Variants in CPZ observed in about 807,000 individuals in gnomAD.
CPZ encodes the protein VEZT/CPZ fusion.
CPZ carries 103 observed loss-of-function variants against 61.8 expected under a neutral mutation model. The ratio of observed to expected loss-of-function variants is 1.67; its 90% CI spans 1.42 to 1.96. CPZ has a LOEUF of 1.96. CPZ is among the 30% of genes most tolerant of loss of function. The pLI is 0.00. For missense variants in CPZ, 1,461 were observed against 914.9 expected, an observed-to-expected ratio of 1.60 and a Z score of -7.70; for synonymous variants, 551 against 373.7, an observed-to-expected ratio of 1.47 and a Z score of -5.47.
In CPZ at chr4:8,614,490, G is replaced by C. The variant is rs148255974; in HGVS notation, c.1495G>C (p.Val499Leu). 6.9e-5 allele frequency: 111 copies of C among 1,613,368 alleles called. No homozygotes were observed. The African/African-American group carries it at 1.4e-3, about 20-fold the overall frequency. ...QHNKESLLNFVETVHRGIKGV... is the reference protein window; with the variant it reads ...QHNKESLLNFLETVHRGIKGV... ...CAACAAGGAGTCACTCCTGAATTTCGTGGAGACGGTGAGTTCTGACGGTCT... is the reference window on the plus strand; with the variant it reads ...CAACAAGGAGTCACTCCTGAATTTCCTGGAGACGGTGAGTTCTGACGGTCT... The change falls in exon 9 of 11, where the codon GTG (valine) becomes CTG (leucine). Residue 499 changes from valine to leucine, a missense_variant. Physicochemically the swap from Val to Leu is conservative, Grantham distance 32 (BLOSUM62 1). Transcript: ENST00000360986.
rs1715060869 is a variant in CPZ at position 8,606,841 on chromosome 4, G to A, written c.1011G>A (p.Glu337=). 1 of 1,613,536 alleles carries A rather than the reference G, an allele frequency of 6.2e-7. No individual in the cohort carries two copies. Among genetic ancestry groups the A allele is most frequent in the Admixed American group, 1.7e-5 (1 of 60,002 alleles). The change falls in exon 6 of 11, where the codon GAG becomes GAA. Residue 337 remains glutamate (E), a synonymous_variant. Coordinates refer to ENST00000360986, the MANE Select transcript of CPZ (RefSeq NM_001014447.3). ...CGTCCGAGTACTACCGGCTGGCGGAGACCCGCGGCGCACGCAGCGACCACA... is the reference window on the plus strand; with the variant it reads ...CGTCCGAGTACTACCGGCTGGCGGAAACCCGCGGCGCACGCAGCGACCACA... ...DLTSEYYRLA[E]TRGARSDHIP... is the part of the protein sequence containing the mutation.
At chr4:8,613,055 C>T (rs989570584) in intron 8 of CPZ, among the ~76,000 whole-genome samples, 6 of 152,180 alleles carry the variant, frequency 3.9e-5, no homozygotes, top group Middle Eastern at 3.2e-3. Flanking sequence ...AGAGGGCCCT[C>T]AGCCCCCGTC....
chr4:8,617,291 A>T (rs1455551694), intron 9 of CPZ, among the ~76,000 whole-genome samples: 2 of 152,190 alleles, frequency 1.3e-5, no homozygotes, highest in Non-Finnish European at 2.9e-5. Context: ...AGGCACCCAG[A>T]AGCAAAGGTT....
rs758937308 is a variant in CPZ, at chr4:8,606,893, G to T, written c.1063G>T (p.Gly355Cys). 8.1e-6 allele frequency: 13 copies of T among 1,608,570 alleles called. No homozygotes were observed. In the East Asian group the frequency reaches 1.8e-4, roughly 22 times the overall value. The change falls in exon 6 of 11, where the codon GGT becomes TGT. Residue 355 changes from glycine to cysteine, a missense_variant. Coordinates refer to ENST00000360986, the MANE Select transcript of CPZ (RefSeq NM_001014447.3). ...HIPIPQHYWW[G>C]KVAPETKAIM... Reference sequence around the variant, plus strand: ...CCCCATCCCCCAGCACTACTGGTGGGGTAAGGTAGGAGCCGCCGCTGCCCA... The same window carrying T: ...CCCCATCCCCCAGCACTACTGGTGGTGTAAGGTAGGAGCCGCCGCTGCCCA...
Position 8,609,972 on chromosome 4 carries a change from C to A in CPZ, c.1228-2055C>A, listed in dbSNP as rs762819429. Among the ~76,000 whole-genome samples the A allele has an allele frequency of 1.8e-4, 27 of 152,178 alleles. 1 individual carries two copies. Among genetic ancestry groups the A allele is most frequent in the Non-Finnish European group, 1.8e-4 (12 of 68,020 alleles). ...CAGTGCCTGGGGACAGTGTTCAAGG[C>A]CCTGCAGGCTGGCCATGGCTGCCTT... On this transcript the variant is annotated intron_variant, in intron 7 of 10. Coordinates refer to ENST00000360986, the MANE Select transcript of CPZ (RefSeq NM_001014447.3).
At chr4:8,609,759 G>GA (rs370958953) in intron 7 of CPZ, among the ~76,000 whole-genome samples, 4 of 152,252 alleles carry the variant, frequency 2.6e-5, no homozygotes, top group African/African-American at 7.2e-5. Flanking sequence ...CAGAGCCAGA[G>GA]AAAATAACAC....
At chr4:8,609,168 TCACCCA>T (rs1461757420) in intron 7 of CPZ, among the ~76,000 whole-genome samples, 2,549 of 41,862 alleles carry the variant, frequency 0.061, 46 homozygotes, top group Admixed American at 0.095. Flanking sequence ...ACTCATTCAC[TCACCCA>T]TTCACTCAGG....
intron 8 of CPZ, 145 bp from the exon 9 acceptor site, chr4:8,614,214 T>G (rs1715959951): frequency 8.8e-7 from 1 of 1,141,154 alleles, no homozygotes; most frequent in African/African-American, 1.6e-5. Flanking sequence ...TGCTGGGCAC[T>G]TGGCTGACAC....
Position 8,612,180 on chromosome 4 carries a change from CG to C in CPZ, c.1363+21del, listed in dbSNP as rs1560300884. ...CACGGGAGGTGCGGCTTCCGCAGGG[CG>C]GGACTGGGCGGGGGGTGGGGGGTGC... On this transcript the variant is annotated intron_variant, in intron 8 of 10. Coordinates refer to ENST00000360986, the MANE Select transcript of CPZ (RefSeq NM_001014447.3). The C allele has an allele frequency of 3.5e-6, 1 of 283,638 alleles. No individual in the cohort carries two copies. Among genetic ancestry groups the C allele is most frequent in the African/African-American group, 8.4e-5 (1 of 11,890 alleles). The allele number at this position is 283,638 out of a possible 1,614,324, so 17.6% of individuals were successfully genotyped here.
chr4:8,596,411 A>G (rs1319275539), intron 1 of CPZ, among the ~76,000 whole-genome samples: 2 of 151,544 alleles, frequency 1.3e-5, no homozygotes, highest in East Asian at 2.0e-4. Flanking sequence ...AAACAAACCC[A>G]CCCCTCTCTG....
intron 7 of CPZ, among the ~76,000 whole-genome samples, chr4:8,609,105 CCCTTCCT>C (rs1715336809): frequency 1.7e-4 from 1 of 6,018 alleles, no homozygotes; most frequent in Non-Finnish European, 4.6e-4. Context: ...CTCACTCACT[CCCTTCCT>C]CACTCCCTCA....
chr4:8,609,344 TTCTC>T (rs1485869944), intron 7 of CPZ, among the ~76,000 whole-genome samples: 2 of 152,054 alleles, frequency 1.3e-5, no homozygotes, highest in East Asian at 1.9e-4. Flanking sequence ...CACTCACTCA[TTCTC>T]TCATTCATTC....
chr4:8,594,569 G>A (rs1363433616), intron 1 of CPZ, among the ~76,000 whole-genome samples: 1 of 152,200 alleles, frequency 6.6e-6, no homozygotes, highest in Non-Finnish European at 1.5e-5. Context: ...CAGTTGAGGA[G>A]GGGGAGGACT....
chr4:8,607,475 CCCCTTGGAGCTGGTG>C, intron 7 of CPZ, 50 bp downstream of exon 7: 1 of 1,585,698 alleles, frequency 6.3e-7, no homozygotes, highest in Non-Finnish European at 8.6e-7. Flanking sequence ...TGTGCGCGGT[CCCCTTGGAGCTGGTG>C]CCCCTCCAGT....
rs1489124941 is a variant in CPZ at position 8,607,262 on chromosome 4, G to A, written c.1069-5G>A. ...CCTGAGGGCGGCCTCGTCTGTCCTG[G>A]GCAGGTGGCCCCGGAGACAAAGGCA... On this transcript the variant is annotated splice_polypyrimidine_tract_variant and splice_region_variant and intron_variant, in intron 6 of 10. Transcript: ENST00000360986. 1 of 1,613,926 alleles carries A rather than the reference G, an allele frequency of 6.2e-7. No individual in the cohort carries two copies.
rs1348156146 is a variant in CPZ, at chr4:8,601,405, C to T, written c.404C>T (p.Ala135Val). The change falls in exon 3 of 11, where the codon GCC becomes GTC. Residue 135 changes from alanine to valine, a missense_variant. Transcript: ENST00000360986. ...LREVCQPAFD[A>V]IDMAWPYFLD... ...GAGGTCTGCCAGCCCGCCTTCGACGCCATTGACATGGCCTGGCCCTACTTC... is the reference window on the plus strand; with the variant it reads ...GAGGTCTGCCAGCCCGCCTTCGACGTCATTGACATGGCCTGGCCCTACTTC... The T allele has an allele frequency of 1.9e-6, 3 of 1,588,982 alleles. No homozygotes were observed. Among genetic ancestry groups the T allele is most frequent in the Non-Finnish European group, 2.6e-6 (3 of 1,166,870 alleles).
rs748781921 is a variant in CPZ, at chr4:8,619,634, C to G, written c.*17C>G. On this transcript the variant is annotated 3_prime_UTR_variant, in exon 11 of 11. Coordinates refer to ENST00000360986, the MANE Select transcript of CPZ (RefSeq NM_001014447.3). ...AAGTACTAGCCCCGGCCCCAGCACC[C>G]GCCAGGATGTGGAGACCGAGGCCCA... 1.4e-6 allele frequency: 2 copies of G among 1,476,396 alleles called. No homozygotes were observed. The highest frequency in any genetic ancestry group is 4.9e-5 in the East Asian group (2 of 41,036). 91.5% of individuals were successfully genotyped at this position (1,476,396 alleles called of 1,614,324 possible).
intron 1 of CPZ, among the ~76,000 whole-genome samples, chr4:8,593,637 C>T (rs549819465): frequency 6.6e-6 from 1 of 152,300 alleles, no homozygotes; most frequent in Non-Finnish European, 1.5e-5. Context: ...AAGCAGACAT[C>T]TGGGCTCCTG....
chr4:8,612,723 G>T (rs926587598), intron 8 of CPZ, among the ~76,000 whole-genome samples: 2 of 152,172 alleles, frequency 1.3e-5, no homozygotes, highest in African/African-American at 4.8e-5. Context: ...TGTGTCCTGA[G>T]GGGTACCCGC....
Sources: gnomAD v4.1 joint callset for allele counts (sites outside exome capture counted in the v4.1 genomes callset) on GRCh38, gnomAD v4.1.1 for gene constraint, MANE v1.5 for transcripts, NCBI Gene and HGNC (gene_info 2026-07-23, HGNC 2026-07-21) for gene names.